SYNE2: variants seen among roughly 807,000 people sequenced by gnomAD.
SYNE2 encodes nesprin-2.
A neutral mutation model predicts 856.3 loss-of-function variants in SYNE2; 431 were observed. That is an observed-to-expected ratio of 0.50 (90% confidence interval 0.47 to 0.55). The LOEUF (loss-of-function observed/expected upper bound fraction) is 0.55. Among genes scored for constraint, SYNE2 ranks in the 20% least tolerant of loss-of-function variants. SYNE2 has a pLI of 0.00. For synonymous variants in SYNE2, 2,923 were observed against 2,872.3 expected (o/e 1.02, Z -0.56); for missense variants, 8,129 against 8,023.2 (o/e 1.01, Z -0.50).
At chr14:64,139,296 T>C (rs1215135277) in intron 79 of SYNE2, among the ~76,000 whole-genome samples, 1 of 151,936 alleles carries the variant, frequency 6.6e-6, no homozygotes, top group Non-Finnish European at 1.5e-5. Flanking sequence ...ATTTTTAATA[T>C]AAACAAATTT....
Position 64,076,060 on chromosome 14 carries a change from T to C in SYNE2, c.10982T>C (p.Val3661Ala). Residue 3661 changes from valine to alanine, a missense_variant, in exon 54 of 116, where the codon GTG becomes GCG. By Grantham distance (64) the Val-to-Ala change is moderately conservative. Transcript: ENST00000555002. ...TIVPAEIESQ[V>A]EECRKALEDI... ...GTCCCTGCAGAGATTGAATCCCAGGTGGAAGAATGCAGAAAAGCTTTAGAA... is the reference window on the plus strand; with the variant it reads ...GTCCCTGCAGAGATTGAATCCCAGGCGGAAGAATGCAGAAAAGCTTTAGAA... The C allele has an allele frequency of 6.2e-7, 1 of 1,613,880 alleles. No individual in the cohort carries two copies. The highest frequency in any genetic ancestry group is 8.5e-7 in the Non-Finnish European group (1 of 1,179,866).
intron 1 of SYNE2, among the ~76,000 whole-genome samples, chr14:63,829,849 G>A (rs778266050): frequency 3.3e-5 from 5 of 151,950 alleles, no homozygotes; most frequent in Non-Finnish European, 7.4e-5. Context: ...GAACTCCTGG[G>A]CTCAAGTAAT....
intron 1 of SYNE2, among the ~76,000 whole-genome samples, chr14:63,797,243 T>C (rs1887952801): frequency 6.6e-6 from 1 of 150,800 alleles, no homozygotes; most frequent in African/African-American, 2.4e-5. Context: ...TACAAAAAAT[T>C]AGCTGGGCAT....
In SYNE2 at chr14:64,137,952, A is replaced by G. The variant is rs1258752132; in HGVS notation, c.14812A>G (p.Arg4938Gly). 3 of 1,614,058 alleles carry G rather than the reference A, an allele frequency of 1.9e-6. No homozygotes were observed. The highest frequency in any genetic ancestry group is 2.5e-6 in the Non-Finnish European group (3 of 1,179,960). Reference protein sequence around the residue: ...LNKKIDHELHRLQALLKHLLS... With the variant: ...LNKKIDHELHGLQALLKHLLS... ...CAAGAAAATTGACCATGAGCTCCAC[A>G]GGCTGCAAGCTCTTCTCAAGCATCT... is the stretch of plus-strand genomic sequence containing the variant. Residue 4938 changes from arginine (R) to glycine (G), a missense_variant, in exon 79 of 116, where the codon AGG (arginine) becomes GGG (glycine). Arg to Gly is a moderately radical substitution (Grantham distance 125, BLOSUM62 -2). Transcript: ENST00000555002.
exon 1 of SYNE2, chr14:63,761,986 G>C (rs1886502543): frequency 2.4e-6 from 1 of 408,330 alleles, no homozygotes; most frequent in Admixed American, 2.5e-5. Context: ...CAGCGTGAGA[G>C]GTAATAGGTT....
At position 64,224,357 on chromosome 14, in the gene SYNE2, C is replaced by T. The variant is rs1043153818; in HGVS notation, c.20383-104C>T. The T allele has an allele frequency of 6.8e-5, 77 of 1,126,148 alleles. 2 individuals are homozygous for T. The South Asian group carries it at 8.3e-4, about 12-fold the overall frequency. The allele number at this position is 1,126,148 out of a possible 1,614,324, so 69.8% of individuals were successfully genotyped here. On this transcript the variant is annotated intron_variant, in intron 113 of 115. Transcript: ENST00000555002. ...CACAGTGAGACTGTCTAAAACAAAA[C>T]AAAACAAAAAAAGATTGATTTAAGG...
At chr14:64,019,508 CTA>C (rs1428732060) in intron 34 of SYNE2, among the ~76,000 whole-genome samples, 1 of 152,064 alleles carries the variant, frequency 6.6e-6, no homozygotes, top group Admixed American at 6.5e-5. Flanking sequence ...TTAAGTGAAA[CTA>C]TGATTTTCTA....
At chr14:64,070,245 AAG>A (rs1248404518) in intron 51 of SYNE2, among the ~76,000 whole-genome samples, 1 of 152,232 alleles carries the variant, frequency 6.6e-6, no homozygotes, top group East Asian at 1.9e-4. Context: ...AGTGAAAGAA[AAG>A]AGACCAGCAG....
At chr14:64,188,389 C>A (rs1454336855) in intron 97 of SYNE2, among the ~76,000 whole-genome samples, 161 bp from the exon 98 acceptor site, 3 of 152,110 alleles carry the variant, frequency 2.0e-5, no homozygotes, top group Non-Finnish European at 4.4e-5. Context: ...TAAGGAACTT[C>A]TGTTGATGCT....
intron 90 of SYNE2, among the ~76,000 whole-genome samples, chr14:64,165,802 C>T (rs1444571032): frequency 2.0e-5 from 3 of 152,224 alleles, no homozygotes; most frequent in Admixed American, 6.5e-5. Flanking sequence ...GCCTGAGCCA[C>T]TGCGCCTGGC....
Position 64,223,305 on chromosome 14 carries a change from G to A in SYNE2, c.20307G>A (p.Val6769=), listed in dbSNP as rs1244532476. The change falls in exon 113 of 116, where the codon GTG becomes GTA. Residue 6769 remains valine, a synonymous_variant. Coordinates refer to ENST00000555002, the MANE Select transcript of SYNE2 (RefSeq NM_182914.3). ...ACTGTATTGAAGCTGAAGAAAAGGT[G>A]CATGTTATTGAGAAGAAACTCAAAC... ...GEDCIEAEEK[V]HVIEKKLKQL... is the part of the protein sequence containing the mutation. The A allele has an allele frequency of 6.2e-7, 1 of 1,614,200 alleles. No individual in the cohort carries two copies.
intron 88 of SYNE2, 123 bp from the exon 89 acceptor site, chr14:64,163,279 A>G (rs2098342595): frequency 8.9e-7 from 1 of 1,121,844 alleles, no homozygotes; most frequent in Non-Finnish European, 1.3e-6. Flanking sequence ...ATAAATAATA[A>G]CAAAAGATCA....
intron 99 of SYNE2, among the ~76,000 whole-genome samples, chr14:64,199,278 A>T (rs1037995406): frequency 6.6e-6 from 1 of 152,182 alleles, no homozygotes; most frequent in African/African-American, 2.4e-5. Flanking sequence ...ATGTGAGAGG[A>T]TGGGTAGTGC....
intron 1 of SYNE2, among the ~76,000 whole-genome samples, chr14:63,908,152 C>T (rs981627945): frequency 5.3e-5 from 8 of 152,010 alleles, no homozygotes; most frequent in Non-Finnish European, 7.4e-5. Flanking sequence ...AGTTCCACGC[C>T]GCCCCCTCCC....
chr14:63,961,299 A>G (rs1466555755), intron 8 of SYNE2, among the ~76,000 whole-genome samples: 2 of 152,246 alleles, frequency 1.3e-5, no homozygotes, highest in East Asian at 3.8e-4. Context: ...TGCACATACT[A>G]GTGCCAGGAT....
intron 109 of SYNE2, among the ~76,000 whole-genome samples, chr14:64,218,968 A>G (rs548896979): frequency 1.3e-5 from 2 of 152,302 alleles, no homozygotes; most frequent in Admixed American, 1.3e-4. Context: ...TTGAAACTGT[A>G]GCACATAGAC....
intron 87 of SYNE2, among the ~76,000 whole-genome samples, chr14:64,161,830 G>A (rs1028690978): frequency 6.6e-6 from 1 of 151,442 alleles, no homozygotes. Context: ...ATAGGTATTT[G>A]TTGCCAATCA....
At chr14:64,015,669 C>G (rs1003081441) in intron 32 of SYNE2, among the ~76,000 whole-genome samples, 2 of 151,710 alleles carry the variant, frequency 1.3e-5, no homozygotes, top group African/African-American at 4.8e-5. Flanking sequence ...CCCTAATGTT[C>G]TTGTATTTTC....
intron 1 of SYNE2, among the ~76,000 whole-genome samples, chr14:63,814,572 A>G (rs1888772429): frequency 1.4e-5 from 2 of 138,770 alleles, no homozygotes; most frequent in African/African-American, 2.6e-5. Flanking sequence ...ATATATCCTT[A>G]TATGTATCCA....
Sources: allele counts gnomAD v4.1 joint callset (sites outside exome capture counted in the v4.1 genomes callset), GRCh38; gene constraint gnomAD v4.1.1; transcripts MANE v1.5; gene names NCBI Gene and HGNC (gene_info 2026-07-23, HGNC 2026-07-21).